Variants in PTPRD observed in about 807,000 individuals in gnomAD.
PTPRD encodes the protein protein tyrosine phosphatase receptor type D, also known as receptor-type tyrosine-protein phosphatase delta.
A neutral mutation model predicts 214.5 loss-of-function variants in PTPRD; 34 were observed. The observed-to-expected ratio is 0.16, with a 90% confidence interval of 0.12 to 0.21. The LOEUF (loss-of-function observed/expected upper bound fraction) is 0.21, where lower values mean the gene tolerates loss of function less well. Ranked by LOEUF, PTPRD falls within the 10% of genes least tolerant of loss-of-function variation. PTPRD has a pLI of 1.00. For synonymous variants in PTPRD, 1,128 were observed against 845.7 expected, an observed-to-expected ratio of 1.33 and a Z score of -5.79; for missense variants, 2,545 against 2,398.7, an observed-to-expected ratio of 1.06 and a Z score of -1.27.
intron 8 of PTPRD, among the ~76,000 whole-genome samples, chr9:9,490,565 A>G (rs914562457): frequency 6.6e-6 from 1 of 152,150 alleles, no homozygotes; most frequent in Middle Eastern, 3.4e-3. Context: ...TAAAAATGAA[A>G]TTTTGTTATA....
intron 7 of PTPRD, among the ~76,000 whole-genome samples, chr9:9,605,173 G>A (rs192478492): frequency 5.3e-5 from 8 of 152,100 alleles, no homozygotes; most frequent in Admixed American, 3.3e-4. Context: ...GGTCTACATG[G>A]CAATTCTGCA....
chr9:10,129,493 T>G lies in PTPRD; in HGVS notation c.-544-95703A>C, dbSNP rs550562745. ...CTCACTTGGATTTTATTCTCTTTTT[T>G]CTTTCCTTTTTTTTTTTTTTTTTCT... On this transcript the variant is annotated intron_variant, in intron 3 of 45. Transcript: ENST00000381196. 6.2e-5 allele frequency among the ~76,000 whole-genome samples: 8 copies of G among 129,598 alleles called. No homozygotes were observed. In the East Asian group the frequency reaches 1.7e-3, roughly 28 times the overall value. 85.0% of individuals were successfully genotyped at this position (129,598 alleles called of 152,430 possible).
intron 2 of PTPRD, among the ~76,000 whole-genome samples, chr9:10,474,605 A>G (rs4289861): frequency 0.85 from 129,981 of 152,078 alleles, 55,603 homozygotes; most frequent in East Asian, 0.94. Flanking sequence ...AGGATGTTCA[A>G]GACTTGAACT....
intron 3 of PTPRD, among the ~76,000 whole-genome samples, chr9:10,301,365 C>T (rs2095857331): frequency 6.6e-6 from 1 of 152,164 alleles, no homozygotes; most frequent in Admixed American, 6.5e-5. Context: ...TCTTCTCCTA[C>T]AAGAGATTAC....
In PTPRD at chr9:10,558,044, G is replaced by C. The variant is rs2063024575; in HGVS notation, c.-600+54354C>G. Among the ~76,000 whole-genome samples, 5 of 152,122 alleles carry C rather than the reference G, an allele frequency of 3.3e-5. No homozygotes were observed. In the South Asian group the frequency reaches 8.3e-4, roughly 25 times the overall value. On this transcript the variant is annotated intron_variant, in intron 2 of 45. Coordinates refer to ENST00000381196, the MANE Select transcript of PTPRD (RefSeq NM_002839.4). ...GCCCCTGCATTTTCATTTCATACTG[G>C]ACTCATAATTTCTATGGTTGTATCT...
intron 11 of PTPRD, among the ~76,000 whole-genome samples, chr9:8,937,383 G>C (rs984114176): frequency 6.6e-6 from 1 of 152,104 alleles, no homozygotes; most frequent in Non-Finnish European, 1.5e-5. Context: ...AGTTGAGTAT[G>C]GTGAAAATAA....
chr9:9,671,889 C>T (rs1005490914), intron 7 of PTPRD, among the ~76,000 whole-genome samples: 3 of 152,140 alleles, frequency 2.0e-5, no homozygotes, highest in African/African-American at 4.8e-5. Context: ...CAGGGGAAGA[C>T]TTACATTTGC....
chr9:10,216,152 G>C (rs2099540103), intron 3 of PTPRD, among the ~76,000 whole-genome samples: 1 of 151,760 alleles, frequency 6.6e-6, no homozygotes, highest in East Asian at 1.9e-4. Context: ...TGATTTCTAA[G>C]TTGATTTGAA....
At chr9:8,690,313 G>T (rs1190888740) in intron 12 of PTPRD, among the ~76,000 whole-genome samples, 2 of 151,836 alleles carry the variant, frequency 1.3e-5, no homozygotes, top group African/African-American at 4.8e-5. Flanking sequence ...AGATCACAAG[G>T]TCAGGACATG....
chr9:9,895,450 A>T (rs1430754974), intron 5 of PTPRD, among the ~76,000 whole-genome samples: 1 of 151,972 alleles, frequency 6.6e-6, no homozygotes, highest in Non-Finnish European at 1.5e-5. Context: ...TTTCTTTTTA[A>T]AATTTTTGCT....
At chr9:9,703,319 G>A (rs1029737558) in intron 7 of PTPRD, among the ~76,000 whole-genome samples, 9 of 152,016 alleles carry the variant, frequency 5.9e-5, no homozygotes, top group Non-Finnish European at 1.0e-4. Flanking sequence ...CCAATCTCAG[G>A]TATTTCTTTA....
At chr9:10,107,471 T>A (rs2098645686) in intron 3 of PTPRD, among the ~76,000 whole-genome samples, 1 of 152,162 alleles carries the variant, frequency 6.6e-6, no homozygotes, top group Non-Finnish European at 1.5e-5. Context: ...CCCCCAGAGT[T>A]TATTGATTAA....
At chr9:9,242,301 G>C (rs1410995246) in intron 9 of PTPRD, among the ~76,000 whole-genome samples, 2 of 152,056 alleles carry the variant, frequency 1.3e-5, no homozygotes, top group Non-Finnish European at 2.9e-5. Context: ...GTCAACTTTG[G>C]TGAATCTGAC....
intron 2 of PTPRD, among the ~76,000 whole-genome samples, chr9:10,479,350 G>A (rs538346684): frequency 3.3e-5 from 5 of 152,104 alleles, no homozygotes; most frequent in Admixed American, 6.6e-5. Flanking sequence ...CATAGGAAAG[G>A]TGGAAAAAAA....
chr9:8,382,424 C>G (rs963085136), intron 37 of PTPRD, among the ~76,000 whole-genome samples: 5 of 152,310 alleles, frequency 3.3e-5, no homozygotes, highest in African/African-American at 1.2e-4. Context: ...AGTTGCATCT[C>G]CTCCTCCCAT....
chr9:9,090,118 T>G (rs1234857253), intron 10 of PTPRD, among the ~76,000 whole-genome samples: 1 of 152,208 alleles, frequency 6.6e-6, no homozygotes, highest in African/African-American at 2.4e-5. Context: ...AATATATTGT[T>G]GTTAACTACA....
chr9:8,560,655 T>A (rs1012481369), intron 14 of PTPRD, among the ~76,000 whole-genome samples: 3 of 152,194 alleles, frequency 2.0e-5, no homozygotes, highest in African/African-American at 7.2e-5. Context: ...CCTTTGTAGT[T>A]ATCTTCCCAC....
chr9:9,118,356 GC>G (rs2099814315), intron 10 of PTPRD, among the ~76,000 whole-genome samples: 3 of 152,080 alleles, frequency 2.0e-5, no homozygotes, highest in African/African-American at 7.2e-5. Flanking sequence ...GATCCATTTA[GC>G]CCCACTTAAC....
chr9:9,075,900 A>G (rs1450920689), intron 10 of PTPRD, among the ~76,000 whole-genome samples: 1 of 152,140 alleles, frequency 6.6e-6, no homozygotes, highest in African/African-American at 2.4e-5. Context: ...TAGCAGCATG[A>G]TTTATAATCC....
Sources: gnomAD v4.1 joint callset for allele counts (sites outside exome capture counted in the v4.1 genomes callset) on GRCh38, gnomAD v4.1.1 for gene constraint, MANE v1.5 for transcripts, NCBI Gene and HGNC (gene_info 2026-07-23, HGNC 2026-07-21) for gene names.